DICER1: variants seen among roughly 807,000 people sequenced by gnomAD.
DICER1 encodes dicer 1, ribonuclease III.
In DICER1, 43 loss-of-function variants were observed where a neutral mutation model predicts 194.1. The observed-to-expected ratio is 0.22, with a 90% CI of 0.17 to 0.29. The LOEUF is 0.29. Among genes scored for constraint, DICER1 ranks in the 10% least tolerant of loss-of-function variants. The probability of loss-of-function intolerance (pLI) is 1.00; values close to 1 mark genes in which losing one functional copy is unlikely to be tolerated. For synonymous variants in DICER1, 832 were observed against 820.5 expected (o/e 1.01, Z -0.24); for missense variants, 1,608 against 2,317.0 (o/e 0.69, Z 6.28).
Position 95,091,530 on chromosome 14 carries a change from A to C in DICER1, c.5365-165T>G, listed in dbSNP as rs182340315. On this transcript the variant is annotated intron_variant, in intron 24 of 26. Coordinates refer to ENST00000343455, the MANE Select transcript of DICER1 (RefSeq NM_177438.3). Reference sequence around the variant, plus strand: ...ATATTGTAATAGTAAAACAAATGTTATATTTTTAAAAAAGTTTTTCAAACT... The same window carrying C: ...ATATTGTAATAGTAAAACAAATGTTCTATTTTTAAAAAAGTTTTTCAAACT... 1.9e-3 allele frequency: 1,238 copies of C among 658,290 alleles called. 18 individuals carry two copies. In the African/African-American group the frequency reaches 0.02, roughly 10 times the overall value. 40.8% of individuals were successfully genotyped at this position (658,290 alleles called of 1,614,324 possible).
chr14:95,094,291 T>C (rs1280283254), intron 23 of DICER1, 135 bp from the exon 24 acceptor site: 22 of 1,131,430 alleles, frequency 1.9e-5, no homozygotes, highest in Non-Finnish European at 2.8e-5. Context: ...AAAAAGGATA[T>C]CTGACATATC....
chr14:95,140,524 T>A (rs966191124), intron 1 of DICER1: 1 of 152,200 alleles, frequency 6.6e-6, no homozygotes, highest in Admixed American at 6.5e-5. Flanking sequence ...GTTCACACAA[T>A]GACAAAATCG....
chr14:95,129,806 G>C (rs943472340), intron 5 of DICER1, among the ~76,000 whole-genome samples, 174 bp from the exon 6 acceptor site: 1 of 152,160 alleles, frequency 6.6e-6, no homozygotes, highest in African/African-American at 2.4e-5. Context: ...AATTACTGTA[G>C]TTTGTTTAAA....
intron 24 of DICER1, among the ~76,000 whole-genome samples, chr14:95,091,642 A>C (rs1889850982): frequency 6.6e-6 from 1 of 152,236 alleles, no homozygotes; most frequent in South Asian, 2.1e-4. Context: ...AACTTTAAAC[A>C]ACCTTAACAA....
Position 95,105,723 on chromosome 14 carries a change from A to G in DICER1, c.3048T>C (p.Ser1016=), listed in dbSNP as rs1393673577. The G allele has an allele frequency of 1.2e-6, 2 of 1,614,198 alleles. No individual in the cohort carries two copies. Among genetic ancestry groups the G allele is most frequent in the African/African-American group, 1.3e-5 (1 of 75,072 alleles). Residue 1016 remains serine, a synonymous_variant, in exon 19 of 27, where the codon AGT becomes AGC. Coordinates refer to ENST00000343455, the MANE Select transcript of DICER1 (RefSeq NM_177438.3). This position sits in a 1 kb window ranked among gnomAD's most constrained non-coding sequence, Gnocchi z 4.9. ...NQKGKALPLS[S]AEKRKAKWES... ...CCCATTTGGCTTTCCTCTTCTCAGC[A>G]CTGCTTAAAGGAAGCGCTTTCCCCT...
chr14:95,146,924 A>G (rs1895174558), intron 1 of DICER1, among the ~76,000 whole-genome samples: 1 of 152,232 alleles, frequency 6.6e-6, no homozygotes, highest in African/African-American at 2.4e-5. Flanking sequence ...GAGGAAGGCT[A>G]AGAAGGAAAA....
Position 95,096,213 on chromosome 14 carries a change from GCAGC to G in DICER1, c.4703_4706del (p.Gly1568AlafsTer3). The G allele has an allele frequency of 6.2e-7, 1 of 1,614,200 alleles. No homozygotes were observed. The highest frequency in any genetic ancestry group is 8.5e-7 in the Non-Finnish European group (1 of 1,180,026). On this transcript the variant is annotated frameshift_variant, in exon 23 of 27. Transcript: ENST00000343455. LOFTEE classifies it high-confidence loss of function. ...CCCTCTCCCCACAGCTGGTTAAATA[GCAGC>G]CCAGCAGGGCTTCCACACAGTCCGC...
Position 95,086,943 on chromosome 14 carries a change from C to T in DICER1, c.*3555G>A, listed in dbSNP as rs1314533065. On this transcript the variant is annotated 3_prime_UTR_variant, in exon 27 of 27. Coordinates refer to ENST00000343455, the MANE Select transcript of DICER1 (RefSeq NM_177438.3). ...GCAGATAATGCAAATGGGTTAAAGA[C>T]TCTTAACATAATTTCAGATGCAGTT... 1 of 232,796 alleles carries T rather than the reference C, an allele frequency of 4.3e-6. No individual in the cohort carries two copies. Among genetic ancestry groups the T allele is most frequent in the Non-Finnish European group, 8.5e-6 (1 of 117,894 alleles). 14.4% of individuals were successfully genotyped at this position (232,796 alleles called of 1,614,324 possible).
intron 14 of DICER1, 95 bp downstream of exon 14, chr14:95,111,222 G>T: frequency 6.8e-7 from 1 of 1,469,158 alleles, no homozygotes; most frequent in Non-Finnish European, 9.5e-7. Context: ...CTGTAAGGGT[G>T]TGGGAAGCCA....
rs769490774 is a variant in DICER1, at chr14:95,090,645, G to C, written c.5622C>G (p.Tyr1874Ter). The stretch of plus-strand genomic sequence containing the variant: ...CCACAGTGACTCTGACCTTCCCGTC[G>C]TAAGTTCTCTCAGCCGGGCTGTAAA... ...TAKFSPAERT[Y>*]DGKVRVTVEV... Residue 1874 changes from tyrosine to a stop codon, truncating the protein, a stop_gained, in exon 27 of 27, where the codon TAC (tyrosine) becomes TAG (stop). Transcript: ENST00000343455. LOFTEE classifies it high-confidence loss of function. 6.2e-7 allele frequency: 1 copy of C among 1,614,038 alleles called. No individual in the cohort carries two copies. Among genetic ancestry groups the C allele is most frequent in the Non-Finnish European group, 8.5e-7 (1 of 1,180,004 alleles).
chr14:95,097,188 C>G (rs1165310413), intron 22 of DICER1, among the ~76,000 whole-genome samples: 2 of 152,074 alleles, frequency 1.3e-5, no homozygotes, highest in African/African-American at 4.8e-5. Context: ...AAAAGCATTA[C>G]CTTTGCAATT....
At chr14:95,131,675 A>C in intron 3 of DICER1, 36 bp from the exon 4 acceptor site, 1 of 1,605,988 alleles carries the variant, frequency 6.2e-7, no homozygotes, top group Non-Finnish European at 8.5e-7. Context: ...TAAATATGAG[A>C]AATCTTGCCT....
intron 8 of DICER1, among the ~76,000 whole-genome samples, chr14:95,123,846 A>C (rs1450765957): frequency 1.3e-5 from 2 of 152,248 alleles, no homozygotes; most frequent in East Asian, 3.8e-4. Context: ...TGTCTAACAC[A>C]TAGTTAAGGA....
intron 1 of DICER1, among the ~76,000 whole-genome samples, chr14:95,136,086 TAC>T (rs144415862): frequency 0.066 from 9,634 of 146,510 alleles, 333 homozygotes; most frequent in South Asian, 0.08. Flanking sequence ...TACATGTAGA[TAC>T]ACACACACAC....
chr14:95,108,636 T>A, intron 14 of DICER1, 133 bp from the exon 15 acceptor site: 1 of 844,774 alleles, frequency 1.2e-6, no homozygotes, highest in Non-Finnish European at 2.0e-6. Flanking sequence ...ACCCGAGGCA[T>A]GACACTTCTT....
chr14:95,115,258 T>C (rs1892333751), intron 11 of DICER1, among the ~76,000 whole-genome samples: 1 of 152,230 alleles, frequency 6.6e-6, no homozygotes, highest in Non-Finnish European at 1.5e-5. Context: ...TTATCAGCTC[T>C]GGACAAAGTA....
rs114886684 is a variant in DICER1, at chr14:95,132,434, T to G, written c.307+81A>C. ...TCAAACTTTCTTCAATAATTTAACTTAAGAAACACAGAAAATCTGTTTAAA... is the reference window on the plus strand; with the variant it reads ...TCAAACTTTCTTCAATAATTTAACTGAAGAAACACAGAAAATCTGTTTAAA... On this transcript the variant is annotated intron_variant, in intron 3 of 26. Coordinates refer to ENST00000343455, the MANE Select transcript of DICER1 (RefSeq NM_177438.3). 6,248 of 1,452,482 alleles carry G rather than the reference T, an allele frequency of 4.3e-3. 120 individuals are homozygous for G. The African/African-American group carries it at 0.054, about 12-fold the overall frequency. 90.0% of individuals were successfully genotyped at this position (1,452,482 alleles called of 1,614,324 possible).
chr14:95,090,180 AAAAAC>A lies in DICER1; in HGVS notation c.*313_*317del. 1 of 430,416 alleles carries A rather than the reference AAAAAC, an allele frequency of 2.3e-6. No individual in the cohort carries two copies. Among genetic ancestry groups the A allele is most frequent in the East Asian group, 4.2e-5 (1 of 23,888 alleles). The allele number at this position is 430,416 out of a possible 1,614,324, so 26.7% of individuals were successfully genotyped here. On this transcript the variant is annotated 3_prime_UTR_variant, in exon 27 of 27. Coordinates refer to ENST00000343455, the MANE Select transcript of DICER1 (RefSeq NM_177438.3). ...AAAGCTGACATAAACTCAAAAAAAA[AAAAAC>A]AAAACCTGTCAATTATTTTGAGCAC... is the stretch of plus-strand genomic sequence containing the variant.
chr14:95,110,199 A>C (rs1054922597), intron 14 of DICER1, among the ~76,000 whole-genome samples: 1 of 152,236 alleles, frequency 6.6e-6, no homozygotes, highest in Non-Finnish European at 1.5e-5. Context: ...CATTAAAATA[A>C]ATGTGAGCTA....
Sources: allele counts gnomAD v4.1 joint callset (sites outside exome capture counted in the v4.1 genomes callset), GRCh38; gene constraint gnomAD v4.1.1; non-coding constraint Gnocchi (gnomAD v3.1); transcripts MANE v1.5; gene names NCBI Gene and HGNC (gene_info 2026-07-23, HGNC 2026-07-21).